The following PDE4C variants were observed in gnomAD, a reference collection of about 807,000 sequenced individuals.
PDE4C encodes 3',5'-cyclic-AMP phosphodiesterase 4C.
Under a neutral mutation model 63.9 loss-of-function variants are expected in PDE4C, and 50 were observed. That is an observed-to-expected ratio of 0.78 (90% CI 0.62 to 0.99). The LOEUF (loss-of-function observed/expected upper bound fraction) is 0.99. Ranked by LOEUF, PDE4C falls within the 50% of genes least tolerant of loss-of-function variation. The pLI is 0.00. For missense variants in PDE4C, 777 were observed against 899.1 expected, an observed-to-expected ratio of 0.86 and a Z score of 1.74; for synonymous variants, 377 against 385.1, an observed-to-expected ratio of 0.98 and a Z score of 0.25.
In PDE4C at chr19:18,220,874, C is replaced by A. The variant is rs1968440154; in HGVS notation, c.499G>T (p.Glu167Ter). ...GGGAGGGAAGGAACAGGTACTTTAC[C>A]TGCAGGAGGGAGCTGATTGCTGGAT... The change falls in exon 5 of 15, where the codon GAG becomes TAG. Residue 167 changes from glutamate (E) to a stop codon, truncating the protein, a stop_gained and splice_region_variant. Coordinates refer to ENST00000262805, the Ensembl canonical transcript of PDE4C. LOFTEE classifies it high-confidence loss of function. This position sits in a 1 kb window ranked among gnomAD's most constrained non-coding sequence, Gnocchi z 5.1. 2 of 1,608,194 alleles carry A rather than the reference C, an allele frequency of 1.2e-6. No homozygotes were observed. The highest frequency in any genetic ancestry group is 1.7e-5 in the Admixed American group (1 of 58,900).
At chr19:18,212,468 C>T (rs947797519) in intron 13 of PDE4C, among the ~76,000 whole-genome samples, 3 of 136,146 alleles carry the variant, frequency 2.2e-5, no homozygotes, top group African/African-American at 7.9e-5. Context: ...AGCCACTGAG[C>T]CCAGCTTTTT....
At chr19:18,213,079 C>T (rs1280121450) in intron 13 of PDE4C, among the ~76,000 whole-genome samples, 3 of 149,752 alleles carry the variant, frequency 2.0e-5, no homozygotes, top group Non-Finnish European at 4.5e-5. Flanking sequence ...GGATCTCAAT[C>T]TCATGGAGAT....
chr19:18,222,221 C>A, exon 2 of PDE4C: 2 of 1,614,150 alleles, frequency 1.2e-6, no homozygotes, highest in Non-Finnish European at 8.5e-7. Context: ...ACTCGCGCCG[C>A]TGGCTGTGCG....
At chr19:18,210,712 GA>G in exon 15 of PDE4C, 1 of 624,232 alleles carries the variant, frequency 1.6e-6, no homozygotes, top group South Asian at 3.5e-5. Flanking sequence ...CTGCCCCTTA[GA>G]GAGCTCTTTT....
At chr19:18,213,583 A>C in intron 12 of PDE4C, 93 bp from the exon 13 acceptor site, 1 of 1,374,872 alleles carries the variant, frequency 7.3e-7, no homozygotes, top group Non-Finnish European at 9.9e-7. Flanking sequence ...GCTCAGACTC[A>C]GCCCTCTGGG....
At position 18,220,630 on chromosome 19, in the gene PDE4C, G is replaced by A; in HGVS notation, c.500-115C>T. 1.1e-6 allele frequency: 1 copy of A among 932,168 alleles called. No individual in the cohort carries two copies. Among genetic ancestry groups the A allele is most frequent in the South Asian group, 1.6e-5 (1 of 62,462 alleles). The allele number at this position is 932,168 out of a possible 1,614,324, so 57.7% of individuals were successfully genotyped here. ...AAACTGTTCCCACGGGGGCCACCCA[G>A]GACTCCTGGACCCAAGTTCCAGATC... On this transcript the variant is annotated intron_variant, in intron 5 of 14. Transcript: ENST00000262805. This position sits in a 1 kb window ranked among gnomAD's most constrained non-coding sequence, Gnocchi z 5.1.
At chr19:18,234,844 G>T (rs187501810), upstream of PDE4C, among the ~76,000 whole-genome samples, 1,377 of 152,172 alleles carry the variant, frequency 9.0e-3, 10 homozygotes, top group Non-Finnish European at 0.012. Flanking sequence ...GCTGTGTGAC[G>T]CATGACAAAT....
At chr19:18,231,539 T>C (rs1365879146) in intron 1 of PDE4C, among the ~76,000 whole-genome samples, 3 of 152,138 alleles carry the variant, frequency 2.0e-5, no homozygotes, top group Non-Finnish European at 4.4e-5. Context: ...CCCAGGCTGC[T>C]GGAGGGCCAG....
At chr19:18,221,846 G>T (rs999236035) in intron 2 of PDE4C, among the ~76,000 whole-genome samples, 2 of 152,108 alleles carry the variant, frequency 1.3e-5, no homozygotes, top group Non-Finnish European at 2.9e-5. Context: ...GGCTGGTCCT[G>T]AACACCTGAC....
chr19:18,251,998 G>C (rs1386122142), upstream of PDE4C: 3 of 398,382 alleles, frequency 7.5e-6, no homozygotes, highest in African/African-American at 6.2e-5. Flanking sequence ...CTGGTGGTCA[G>C]TTCCAAAACT....
chr19:18,220,861 A>C lies in PDE4C; in HGVS notation c.499+13T>G. On this transcript the variant is annotated intron_variant, in intron 5 of 14. Coordinates refer to ENST00000262805, the Ensembl canonical transcript of PDE4C. The surrounding 1 kb of genome is among the most constrained non-coding windows in gnomAD (Gnocchi z 5.1). ...CTGTCCTCAGCGGGGGAGGGAAGGAACAGGTACTTTACCTGCAGGAGGGAG... is the reference window on the plus strand; with the variant it reads ...CTGTCCTCAGCGGGGGAGGGAAGGACCAGGTACTTTACCTGCAGGAGGGAG... The C allele has an allele frequency of 6.2e-7, 1 of 1,606,254 alleles. No individual in the cohort carries two copies. The highest frequency in any genetic ancestry group is 1.7e-4 in the Middle Eastern group (1 of 6,042).
chr19:18,243,862 C>T (rs919496055), intron 1 of PDE4C, among the ~76,000 whole-genome samples: 5 of 151,742 alleles, frequency 3.3e-5, no homozygotes, highest in African/African-American at 9.7e-5. Context: ...GATTTTTTAT[C>T]TTTTATTTTT....
chr19:18,244,060 G>A (rs751851468), intron 1 of PDE4C, among the ~76,000 whole-genome samples: 1 of 151,504 alleles, frequency 6.6e-6, no homozygotes, highest in Non-Finnish European at 1.5e-5. Flanking sequence ...TTTTAGTAGA[G>A]ACAGGGTTTC....
rs757955747 is a variant in PDE4C at position 18,218,913 on chromosome 19, C to T, written c.969+27G>A. 8 of 1,555,340 alleles carry T rather than the reference C, an allele frequency of 5.1e-6. No individual in the cohort carries two copies. In the East Asian group the frequency reaches 1.8e-4, roughly 35 times the overall value. ...GTGAGGGAAACCCCAGGAGTTTTTC[C>T]TTGGAAGCCAAGGGCAGGGTAGGTA... On this transcript the variant is annotated intron_variant, in intron 9 of 14. Transcript: ENST00000262805.
At chr19:18,247,534 G>T (rs1027528987) in intron 1 of PDE4C, among the ~76,000 whole-genome samples, 2 of 152,168 alleles carry the variant, frequency 1.3e-5, no homozygotes, top group Non-Finnish European at 2.9e-5. Flanking sequence ...GACCTCAAGT[G>T]ATCCGCCTGC....
Position 18,221,173 on chromosome 19 carries a change from CAGGACCTGTTGGGAGGAGGTGGT to C in PDE4C, c.376-18_380del, listed in dbSNP as rs758263737. 6.3e-7 allele frequency: 1 copy of C among 1,579,892 alleles called. No homozygotes were observed. The highest frequency in any genetic ancestry group is 1.2e-5 in the South Asian group (1 of 85,902). ...TGCTCCGAACGGTCCGCAGACTGGC[CAGGACCTGTTGGGAGGAGGTGGT>C]AGGCGGTGGGAAGGAGAGGCCGGAT... is the stretch of plus-strand genomic sequence containing the variant. On this transcript the variant is annotated splice_acceptor_variant and splice_polypyrimidine_tract_variant and coding_sequence_variant and intron_variant, in exon 4 of 15. Coordinates refer to ENST00000262805, the Ensembl canonical transcript of PDE4C. LOFTEE classifies it high-confidence loss of function.
chr19:18,215,109 G>A (rs1354077808), intron 12 of PDE4C, among the ~76,000 whole-genome samples: 1 of 152,024 alleles, frequency 6.6e-6, no homozygotes, highest in Non-Finnish European at 1.5e-5. Flanking sequence ...CACCCTGTGG[G>A]TACCCACCAC....
chr19:18,210,866 CT>C, exon 15 of PDE4C: 2 of 1,513,950 alleles, frequency 1.3e-6, no homozygotes, highest in Non-Finnish European at 1.8e-6. Context: ...CCTGGAAAGT[CT>C]GCCTGCCAAG....
At chr19:18,237,891 A>AC (rs1568267061), upstream of PDE4C, among the ~76,000 whole-genome samples, 26 of 141,644 alleles carry the variant, frequency 1.8e-4, 2 homozygotes, top group South Asian at 6.5e-4. Flanking sequence ...AAAAAAAAAA[A>AC]AAGTGCCTGG....
Sources: gnomAD v4.1 joint callset for allele counts (sites outside exome capture counted in the v4.1 genomes callset) on GRCh38, gnomAD v4.1.1 for gene constraint, Gnocchi (gnomAD v3.1) non-coding constraint, MANE v1.5 for transcripts, NCBI Gene and HGNC (gene_info 2026-07-23, HGNC 2026-07-21) for gene names.